Variants in CNTN5 observed in about 807,000 individuals in gnomAD.
The protein encoded by CNTN5 is contactin 5.
In CNTN5, 77 loss-of-function variants were observed where a neutral mutation model predicts 129.1. The ratio of observed to expected loss-of-function variants is 0.60; its 90% CI spans 0.50 to 0.72. The LOEUF is 0.72. Among genes scored for constraint, CNTN5 ranks in the 30% least tolerant of loss-of-function variants. The probability of loss-of-function intolerance (pLI) is 0.00; values close to 1 mark genes in which losing one functional copy is unlikely to be tolerated. For synonymous variants in CNTN5, 509 were observed against 465.6 expected, an observed-to-expected ratio of 1.09 and a Z score of -1.20; for missense variants, 1,478 against 1,328.8, an observed-to-expected ratio of 1.11 and a Z score of -1.75.
intron 6 of CNTN5, among the ~76,000 whole-genome samples, chr11:99,902,786 A>T (rs1004601056): frequency 6.6e-6 from 1 of 151,142 alleles, no homozygotes; most frequent in African/African-American, 2.5e-5. Context: ...TTACCCAAAG[A>T]TTATTTTACA....
chr11:99,224,657 A>T (rs866042923), intron 1 of CNTN5, among the ~76,000 whole-genome samples: 41 of 108,936 alleles, frequency 3.8e-4, no homozygotes, highest in South Asian at 6.3e-4. Context: ...CCAAGGTTGC[A>T]TTTTTTTTTT....
chr11:99,561,978 A>C (rs947293338), intron 3 of CNTN5, among the ~76,000 whole-genome samples: 2 of 152,160 alleles, frequency 1.3e-5, no homozygotes, highest in Admixed American at 1.3e-4. Context: ...CCTCCTTGGC[A>C]TACTAGTTAT....
chr11:100,288,273 A>G (rs1950850117), intron 18 of CNTN5, among the ~76,000 whole-genome samples: 2 of 148,242 alleles, frequency 1.3e-5, no homozygotes, highest in Admixed American at 6.7e-5. Context: ...AGACATCTAC[A>G]GAACTCTCCA....
intron 6 of CNTN5, among the ~76,000 whole-genome samples, chr11:99,889,025 C>T (rs1734548586): frequency 6.6e-6 from 1 of 151,848 alleles, no homozygotes; most frequent in African/African-American, 2.4e-5. Flanking sequence ...CATCACTTAC[C>T]ATCATCATCA....
intron 1 of CNTN5, among the ~76,000 whole-genome samples, chr11:99,201,223 A>T (rs1375487593): frequency 6.0e-5 from 9 of 150,596 alleles, no homozygotes; most frequent in African/African-American, 2.2e-4. Context: ...ATGGGGTTTC[A>T]CCATATTGGC....
At chr11:99,503,093 A>C (rs1946486167) in intron 2 of CNTN5, among the ~76,000 whole-genome samples, 2 of 152,164 alleles carry the variant, frequency 1.3e-5, no homozygotes. Context: ...AGTCCTTTTT[A>C]ATTTTTACTT....
At chr11:99,226,051 G>C (rs17133296) in intron 1 of CNTN5, among the ~76,000 whole-genome samples, 14,723 of 152,110 alleles carry the variant, frequency 0.097, 1,549 homozygotes, top group East Asian at 0.46. Flanking sequence ...GTATATTTTA[G>C]AATGACTTAC....
rs1007283512 is a variant in CNTN5 at position 100,236,917 on chromosome 11, C to T, written c.2005+12105C>T. ...CACCAAGAAAGAACTCCGCTGGGCG[C>T]GGTGGCTCACGCCTGTAATCCCAGC... On this transcript the variant is annotated intron_variant, in intron 16 of 24. Transcript: ENST00000524871. Among the ~76,000 whole-genome samples the T allele has an allele frequency of 4.6e-5, 7 of 152,252 alleles. 1 individual carries two copies. In the East Asian group the frequency reaches 1.2e-3, roughly 25 times the overall value.
At chr11:99,111,492 G>T (rs1011392286) in intron 1 of CNTN5, among the ~76,000 whole-genome samples, 1 of 152,014 alleles carries the variant, frequency 6.6e-6, no homozygotes, top group African/African-American at 2.4e-5. Context: ...TTTCTTTGAG[G>T]TGCTAATGGA....
At chr11:99,384,715 T>C (rs1277339668) in intron 2 of CNTN5, among the ~76,000 whole-genome samples, 1 of 152,202 alleles carries the variant, frequency 6.6e-6, no homozygotes, top group Non-Finnish European at 1.5e-5. Context: ...TTTATTCTAT[T>C]CTTGAATAGT....
rs533862622 is a variant in CNTN5 at position 99,363,788 on chromosome 11, C to A, written c.-71+38304C>A. Among the ~76,000 whole-genome samples the A allele has an allele frequency of 2.0e-5, 3 of 152,204 alleles. No homozygotes were observed. The East Asian group carries it at 5.8e-4, about 29-fold the overall frequency. On this transcript the variant is annotated intron_variant, in intron 2 of 24. Transcript: ENST00000524871. The stretch of plus-strand genomic sequence containing the variant: ...ATAATTGTGAACAAATAATAAGTTT[C>A]ATTGCAGTTATAAGTAAGCAATAAT...
chr11:99,807,072 A>G (rs1048760397), intron 3 of CNTN5, among the ~76,000 whole-genome samples: 1 of 152,148 alleles, frequency 6.6e-6, no homozygotes, highest in Non-Finnish European at 1.5e-5. Context: ...ATGATGAAAT[A>G]TGTATACATG....
intron 1 of CNTN5, among the ~76,000 whole-genome samples, chr11:99,139,471 GA>G (rs1372320151): frequency 1.3e-5 from 2 of 152,114 alleles, no homozygotes; most frequent in African/African-American, 4.8e-5. Context: ...AATGCTAATT[GA>G]AGAGAAAATA....
At chr11:100,062,930 T>C (rs1485379657) in intron 10 of CNTN5, among the ~76,000 whole-genome samples, 1 of 152,208 alleles carries the variant, frequency 6.6e-6, no homozygotes, top group Non-Finnish European at 1.5e-5. Context: ...ACGTTCATTT[T>C]ATTCTCACAC....
chr11:100,306,761 A>G (rs1349793654), intron 20 of CNTN5, among the ~76,000 whole-genome samples: 1 of 151,714 alleles, frequency 6.6e-6, no homozygotes, highest in African/African-American at 2.4e-5. Context: ...TCCAGAATGC[A>G]TGTTTTAAAT....
chr11:99,557,497 T>C (rs771781491), intron 3 of CNTN5, among the ~76,000 whole-genome samples: 6 of 151,486 alleles, frequency 4.0e-5, no homozygotes, highest in Non-Finnish European at 8.9e-5. Context: ...GTCTTTCCTG[T>C]ATTGTGTAAC....
chr11:99,345,934 A>C (rs1008163234), intron 2 of CNTN5, among the ~76,000 whole-genome samples: 2 of 152,222 alleles, frequency 1.3e-5, no homozygotes, highest in African/African-American at 4.8e-5. Context: ...ATCAAAAGAT[A>C]CATGAGAGAT....
At chr11:99,993,569 G>A (rs753554024) in intron 8 of CNTN5, among the ~76,000 whole-genome samples, 40 of 152,154 alleles carry the variant, frequency 2.6e-4, no homozygotes, top group Non-Finnish European at 5.1e-4. Flanking sequence ...TAGCTCCCTT[G>A]CATGCACAGT....
chr11:99,432,976 G>A (rs1174112339), intron 2 of CNTN5, among the ~76,000 whole-genome samples: 1 of 148,690 alleles, frequency 6.7e-6, no homozygotes, highest in Non-Finnish European at 1.5e-5. Context: ...CTGAAAGAAT[G>A]AGCGTTGTGA....
Sources: allele counts gnomAD v4.1 joint callset (sites outside exome capture counted in the v4.1 genomes callset), GRCh38; gene constraint gnomAD v4.1.1; transcripts MANE v1.5; gene names NCBI Gene and HGNC (gene_info 2026-07-23, HGNC 2026-07-21).